OR4K2: variants seen among roughly 807,000 people sequenced by gnomAD.
OR4K2 encodes olfactory receptor family 4 subfamily K member 2.
A neutral mutation model predicts 10.5 loss-of-function variants in OR4K2; 8 were observed. The observed-to-expected ratio is 0.76, with a 90% CI of 0.45 to 1.37. OR4K2 has a LOEUF of 1.37. Among genes scored for constraint, OR4K2 ranks in the 40% most tolerant of loss-of-function variants. The pLI is 0.00. For missense variants in OR4K2, 547 were observed against 379.5 expected (o/e 1.44, Z -3.67); for synonymous variants, 178 against 133.6 (o/e 1.33, Z -2.29).
Position 19,882,482 on chromosome 14 carries a change from G to A in OR4K2, c.*5270G>A, listed in dbSNP as rs1229176740. Reference sequence around the variant, plus strand: ...CTTTTTATTGCAGTGTAAAAGCAAGGTAAAGAAAAATACACAAACATGTTT... The same window carrying A: ...CTTTTTATTGCAGTGTAAAAGCAAGATAAAGAAAAATACACAAACATGTTT... On this transcript the variant is annotated 3_prime_UTR_variant, in exon 2 of 2. Coordinates refer to ENST00000641885, the MANE Select transcript of OR4K2 (RefSeq NM_001005501.2). The A allele has an allele frequency of 6.6e-6, 1 of 152,152 alleles. No homozygotes were observed. Among genetic ancestry groups the A allele is most frequent in the East Asian group, 1.9e-4 (1 of 5,198 alleles). 9.4% of individuals were successfully genotyped at this position (152,152 alleles called of 1,614,324 possible).
Position 19,877,161 on chromosome 14 carries a change from G to A in OR4K2, c.894G>A (p.Met298Ile), listed in dbSNP as rs763057080. Residue 298 changes from methionine (M) to isoleucine (I), a missense_variant, in exon 2 of 2, where the codon ATG (methionine) becomes ATA (isoleucine). Met to Ile is a conservative substitution (Grantham distance 10). Transcript: ENST00000641885. ...GGAATCAAGAAGTAAAGATAGCCAT[G>A]AGGAAACTGAAAAATAGGTTTCTAA... ...TLRNQEVKIA[M>I]RKLKNRFLNF... is the part of the protein sequence containing the mutation. 3 of 1,599,678 alleles carry A rather than the reference G, an allele frequency of 1.9e-6. No individual in the cohort carries two copies. The highest frequency in any genetic ancestry group is 1.7e-5 in the Admixed American group (1 of 59,114).
At position 19,877,277 on chromosome 14, in the gene OR4K2, C is replaced by A; in HGVS notation, c.*65C>A. ...GCTTTTCTTTCTAGAGGGTTCTTAC[C>A]AAATTGTAATTGCCAAGAATTTGTG... On this transcript the variant is annotated 3_prime_UTR_variant, in exon 2 of 2. Transcript: ENST00000641885. The A allele has an allele frequency of 8.5e-7, 1 of 1,178,934 alleles. No homozygotes were observed. Among genetic ancestry groups the A allele is most frequent in the Non-Finnish European group, 1.2e-6 (1 of 845,586 alleles). The allele number at this position is 1,178,934 out of a possible 1,614,324, so 73.0% of individuals were successfully genotyped here.
At position 19,883,269 on chromosome 14, in the gene OR4K2, G is replaced by A. The variant is rs1166679398; in HGVS notation, c.*6057G>A. 6.6e-6 allele frequency: 1 copy of A among 152,258 alleles called. No individual in the cohort carries two copies. The highest frequency in any genetic ancestry group is 1.5e-5 in the Non-Finnish European group (1 of 68,068). The allele number at this position is 152,258 out of a possible 1,614,324, so 9.4% of individuals were successfully genotyped here. On this transcript the variant is annotated 3_prime_UTR_variant, in exon 2 of 2. Coordinates refer to ENST00000641885, the MANE Select transcript of OR4K2 (RefSeq NM_001005501.2). ...TTGCTTTATCTCTTTGGGAATGATA[G>A]TGCTGTTGTTGCTGTAGTAGTTGAT... is the stretch of plus-strand genomic sequence containing the variant.
Position 19,876,721 on chromosome 14 carries a change from G to T in OR4K2, c.454G>T (p.Gly152Ter). The change falls in exon 2 of 2, where the codon GGA (glycine) becomes TGA (stop). Residue 152 changes from glycine to a stop codon, truncating the protein, a stop_gained. Transcript: ENST00000641885. LOFTEE classifies it high-confidence loss of function. The part of the protein sequence containing the change: ...VALVVASWIM[G>*]VMHSMSQVIF... ...TCTCGTGGTGGCTTCCTGGATTATG[G>T]GAGTTATGCATTCAATGAGTCAGGT... 6.2e-7 allele frequency: 1 copy of T among 1,614,014 alleles called. No homozygotes were observed. The highest frequency in any genetic ancestry group is 8.5e-7 in the Non-Finnish European group (1 of 1,179,948).
Position 19,875,315 on chromosome 14 carries a change from G to C in OR4K2, c.-843G>C, listed in dbSNP as rs1880865957. On this transcript the variant is annotated 5_prime_UTR_variant, in exon 1 of 2. Transcript: ENST00000641885. ...ATAAGTAAAAGTGTTTTACAAATGA[G>C]TTCTACTGAAATATTTTAAATGTTT... The C allele has an allele frequency of 6.6e-6, 1 of 152,258 alleles. No homozygotes were observed. Among genetic ancestry groups the C allele is most frequent in the African/African-American group, 2.4e-5 (1 of 41,456 alleles). The allele number at this position is 152,258 out of a possible 1,614,324, so 9.4% of individuals were successfully genotyped here.
Position 19,881,801 on chromosome 14 carries a change from G to A in OR4K2, c.*4589G>A, listed in dbSNP as rs1251231182. 1.3e-5 allele frequency: 2 copies of A among 151,594 alleles called. No homozygotes were observed. The highest frequency in any genetic ancestry group is 4.8e-5 in the African/African-American group (2 of 41,284). 9.4% of individuals were successfully genotyped at this position (151,594 alleles called of 1,614,324 possible). ...CTTTGCTCACTTGCCACCTGTTAAA[G>A]AAAATTTAAAGGAGAGATTTTTTTT... is the stretch of plus-strand genomic sequence containing the variant. On this transcript the variant is annotated 3_prime_UTR_variant, in exon 2 of 2. Coordinates refer to ENST00000641885, the MANE Select transcript of OR4K2 (RefSeq NM_001005501.2).
Position 19,877,175 on chromosome 14 carries a change from A to G in OR4K2, c.908A>G (p.Asn303Ser). The G allele has an allele frequency of 6.3e-7, 1 of 1,597,368 alleles. No homozygotes were observed. Among genetic ancestry groups the G allele is most frequent in the Non-Finnish European group, 8.5e-7 (1 of 1,178,272 alleles). ...EVKIAMRKLK[N>S]RFLNFNKAMP... ...AAGATAGCCATGAGGAAACTGAAAA[A>G]TAGGTTTCTAAATTTTAATAAGGCA... is the stretch of plus-strand genomic sequence containing the variant. The change falls in exon 2 of 2, where the codon AAT becomes AGT. Residue 303 changes from asparagine to serine, a missense_variant. Transcript: ENST00000641885.
In OR4K2 at chr14:19,877,218, G is replaced by A; in HGVS notation, c.*6G>A. On this transcript the variant is annotated 3_prime_UTR_variant, in exon 2 of 2. Coordinates refer to ENST00000641885, the MANE Select transcript of OR4K2 (RefSeq NM_001005501.2). ...ATAAGGCAATGCCTTCATAGTTTTTGTGACACAGAACATTAGACACAATGC... is the reference window on the plus strand; with the variant it reads ...ATAAGGCAATGCCTTCATAGTTTTTATGACACAGAACATTAGACACAATGC... The A allele has an allele frequency of 1.3e-6, 2 of 1,537,114 alleles. No homozygotes were observed. Among genetic ancestry groups the A allele is most frequent in the Non-Finnish European group, 1.8e-6 (2 of 1,130,432 alleles).
chr14:19,883,639 TAAAG>T lies in OR4K2; in HGVS notation c.*6428_*6431del, dbSNP rs1030898058. 7 of 152,224 alleles carry T rather than the reference TAAAG, an allele frequency of 4.6e-5. No homozygotes were observed. The highest frequency in any genetic ancestry group is 4.6e-4 in the Admixed American group (7 of 15,288). The allele number at this position is 152,224 out of a possible 1,614,324, so 9.4% of individuals were successfully genotyped here. ...AGTAGTTAAATAATTAAATAGTAGTTAAAGTAATTAAATAGGACTCTATTGCACT... is the reference window on the plus strand; with the variant it reads ...AGTAGTTAAATAATTAAATAGTAGTTTAATTAAATAGGACTCTATTGCACT... On this transcript the variant is annotated 3_prime_UTR_variant, in exon 2 of 2. Transcript: ENST00000641885.
chr14:19,881,591 T>C lies in OR4K2; in HGVS notation c.*4379T>C, dbSNP rs919836555. On this transcript the variant is annotated 3_prime_UTR_variant, in exon 2 of 2. Coordinates refer to ENST00000641885, the MANE Select transcript of OR4K2 (RefSeq NM_001005501.2). Reference sequence around the variant, plus strand: ...TTACTCTGATAATTTACACTGCCAATATAAGGAGATGAATACCTATTTTTT... The same window carrying C: ...TTACTCTGATAATTTACACTGCCAACATAAGGAGATGAATACCTATTTTTT... The C allele has an allele frequency of 3.3e-5, 5 of 152,188 alleles. No individual in the cohort carries two copies. Among genetic ancestry groups the C allele is most frequent in the African/African-American group, 9.6e-5 (4 of 41,508 alleles). The allele number at this position is 152,188 out of a possible 1,614,324, so 9.4% of individuals were successfully genotyped here. A position where few individuals can be genotyped will look rare whatever the true frequency, so the allele number is the denominator to read the frequency against.
rs1880989231 is a variant in OR4K2 at position 19,879,572 on chromosome 14, C to A, written c.*2360C>A. The A allele has an allele frequency of 6.6e-6, 1 of 152,226 alleles. No individual in the cohort carries two copies. Among genetic ancestry groups the A allele is most frequent in the African/African-American group, 2.4e-5 (1 of 41,450 alleles). 9.4% of individuals were successfully genotyped at this position (152,226 alleles called of 1,614,324 possible). A position where few individuals can be genotyped will look rare whatever the true frequency, so the allele number is the denominator to read the frequency against. ...TTTATAAGAAGAGTGTGTTGACAAG[C>A]AACTTCATCTTCCTCTACGTGTTTA... On this transcript the variant is annotated 3_prime_UTR_variant, in exon 2 of 2. Transcript: ENST00000641885.
rs1253879862 is a variant in OR4K2, at chr14:19,880,844, G to A, written c.*3632G>A. On this transcript the variant is annotated 3_prime_UTR_variant, in exon 2 of 2. Coordinates refer to ENST00000641885, the MANE Select transcript of OR4K2 (RefSeq NM_001005501.2). ...CTCATATTATTAAGGTGAAGAGATA[G>A]GCAGATGGATAGATTAGTAGATAGA... The A allele has an allele frequency of 1.3e-5, 2 of 152,208 alleles. No individual in the cohort carries two copies. The highest frequency in any genetic ancestry group is 2.4e-5 in the African/African-American group (1 of 41,458). The allele number at this position is 152,208 out of a possible 1,614,324, so 9.4% of individuals were successfully genotyped here.
Position 19,878,734 on chromosome 14 carries a change from A to G in OR4K2, c.*1522A>G, listed in dbSNP as rs1375820024. ...CTACAGTATTAACATAAAATAAAAC[A>G]TGCTTCTGTAAGCACAAGATTAGCA... On this transcript the variant is annotated 3_prime_UTR_variant, in exon 2 of 2. Transcript: ENST00000641885. 1.3e-5 allele frequency: 2 copies of G among 152,250 alleles called. No individual in the cohort carries two copies. The highest frequency in any genetic ancestry group is 4.8e-5 in the African/African-American group (2 of 41,476). 9.4% of individuals were successfully genotyped at this position (152,250 alleles called of 1,614,324 possible). A position where few individuals can be genotyped will look rare whatever the true frequency, so the allele number is the denominator to read the frequency against.
rs1234615640 is a variant in OR4K2, at chr14:19,880,648, TGGAAAC to T, written c.*3437_*3442del. The T allele has an allele frequency of 6.6e-6, 1 of 152,264 alleles. No individual in the cohort carries two copies. The highest frequency in any genetic ancestry group is 1.5e-5 in the Non-Finnish European group (1 of 68,044). 9.4% of individuals were successfully genotyped at this position (152,264 alleles called of 1,614,324 possible). ...TGGTTCTTACATTAATTAAAGCTTCTGGAAACTTGTTTTTCTGTCTGTTCACAACTG... is the reference window on the plus strand; with the variant it reads ...TGGTTCTTACATTAATTAAAGCTTCTTTGTTTTTCTGTCTGTTCACAACTG... On this transcript the variant is annotated 3_prime_UTR_variant, in exon 2 of 2. Transcript: ENST00000641885.
Position 19,876,090 on chromosome 14 carries a change from T to C in OR4K2, c.-68T>C. On this transcript the variant is annotated 5_prime_UTR_variant, in exon 1 of 2. Transcript: ENST00000641885. ...AAGCTCTAATATTTCATAATTTCCATTCAAAACAATATACCAAATGAGAAG... is the reference window on the plus strand; with the variant it reads ...AAGCTCTAATATTTCATAATTTCCACTCAAAACAATATACCAAATGAGAAG... 1.7e-6 allele frequency: 1 copy of C among 589,098 alleles called. No individual in the cohort carries two copies. Among genetic ancestry groups the C allele is most frequent in the East Asian group, 3.0e-5 (1 of 33,610 alleles). 36.5% of individuals were successfully genotyped at this position (589,098 alleles called of 1,614,324 possible). A position where few individuals can be genotyped will look rare whatever the true frequency, so the allele number is the denominator to read the frequency against.
chr14:19,875,681 T>A lies in OR4K2; in HGVS notation c.-477T>A, dbSNP rs372082615. On this transcript the variant is annotated 5_prime_UTR_variant, in exon 1 of 2. It removes the in-frame stop codon of an upstream open reading frame in the 5' UTR. Coordinates refer to ENST00000641885, the MANE Select transcript of OR4K2 (RefSeq NM_001005501.2). ...AAACTAACTTTCTATGTATTTCTTT[T>A]GAGTTTCAAACAGGAAACTTTATCT... is the stretch of plus-strand genomic sequence containing the variant. 2.6e-5 allele frequency: 4 copies of A among 152,592 alleles called. No individual in the cohort carries two copies. In the East Asian group the frequency reaches 5.8e-4, roughly 22 times the overall value. 9.5% of individuals were successfully genotyped at this position (152,592 alleles called of 1,614,324 possible).
chr14:19,878,022 A>C lies in OR4K2; in HGVS notation c.*810A>C, dbSNP rs1257913551. On this transcript the variant is annotated 3_prime_UTR_variant, in exon 2 of 2. Coordinates refer to ENST00000641885, the MANE Select transcript of OR4K2 (RefSeq NM_001005501.2). Reference sequence around the variant, plus strand: ...TAACAGTTGAATTTATGGGGAGTCCATGCTTTCATTTTAAAGTGTTATATT... The same window carrying C: ...TAACAGTTGAATTTATGGGGAGTCCCTGCTTTCATTTTAAAGTGTTATATT... The C allele has an allele frequency of 3.3e-5, 5 of 152,254 alleles. No homozygotes were observed. The highest frequency in any genetic ancestry group is 1.2e-4 in the African/African-American group (5 of 41,468). 9.4% of individuals were successfully genotyped at this position (152,254 alleles called of 1,614,324 possible).
chr14:19,878,706 C>T lies in OR4K2; in HGVS notation c.*1494C>T, dbSNP rs1050200437. 12 of 152,156 alleles carry T rather than the reference C, an allele frequency of 7.9e-5. No individual in the cohort carries two copies. Among genetic ancestry groups the T allele is most frequent in the African/African-American group, 1.9e-4 (8 of 41,442 alleles). 9.4% of individuals were successfully genotyped at this position (152,156 alleles called of 1,614,324 possible). On this transcript the variant is annotated 3_prime_UTR_variant, in exon 2 of 2. Coordinates refer to ENST00000641885, the MANE Select transcript of OR4K2 (RefSeq NM_001005501.2). The stretch of plus-strand genomic sequence containing the variant: ...CAGTTTTGAAATTATTAGATAATAA[C>T]GTCTACAGTATTAACATAAAATAAA...
At position 19,882,551 on chromosome 14, in the gene OR4K2, T is replaced by G. The variant is rs8013148; in HGVS notation, c.*5339T>G. The G allele has an allele frequency of 1.3e-5, 2 of 152,038 alleles. No individual in the cohort carries two copies. The highest frequency in any genetic ancestry group is 1.9e-4 in the East Asian group (1 of 5,174). 9.4% of individuals were successfully genotyped at this position (152,038 alleles called of 1,614,324 possible). On this transcript the variant is annotated 3_prime_UTR_variant, in exon 2 of 2. Coordinates refer to ENST00000641885, the MANE Select transcript of OR4K2 (RefSeq NM_001005501.2). ...AAGGCAAACACCATTATAATCACATTTCAAGTCACAAAATAGAACTTCGCC... is the reference window on the plus strand; with the variant it reads ...AAGGCAAACACCATTATAATCACATGTCAAGTCACAAAATAGAACTTCGCC...
Sources: gnomAD v4.1 joint callset for allele counts on GRCh38, gnomAD v4.1.1 for gene constraint, MANE v1.5 for transcripts, NCBI Gene and HGNC (gene_info 2026-07-23, HGNC 2026-07-21) for gene names.